Variants in GCSAML observed in about 807,000 individuals in gnomAD.
GCSAML encodes germinal center-associated signaling and motility-like protein.
In GCSAML, 9 loss-of-function variants were observed where a neutral mutation model predicts 13.0. The ratio of observed to expected loss-of-function variants is 0.69; its 90% CI spans 0.42 to 1.21. GCSAML has a LOEUF of 1.21. Ranked by LOEUF, GCSAML falls within the 50% of genes most tolerant of loss-of-function variation. GCSAML has a pLI of 0.00. For synonymous variants in GCSAML, 37 were observed against 52.9 expected (o/e 0.70, Z 1.31); for missense variants, 143 against 153.4 (o/e 0.93, Z 0.36).
chr1:247,513,059 C>G (rs538899687), intron 1 of GCSAML, among the ~76,000 whole-genome samples: 4 of 152,184 alleles, frequency 2.6e-5, no homozygotes, highest in Non-Finnish European at 4.4e-5. Context: ...ATCCATTGCT[C>G]TCTTTGGAGC....
chr1:247,521,552 G>A (rs770649984), intron 1 of GCSAML, among the ~76,000 whole-genome samples: 10 of 152,182 alleles, frequency 6.6e-5, no homozygotes, highest in African/African-American at 1.9e-4. Context: ...ACTGGTTTTC[G>A]TATTTTTTTG....
At chr1:247,558,923 T>C (rs1289458980) in intron 2 of GCSAML, among the ~76,000 whole-genome samples, 1 of 152,240 alleles carries the variant, frequency 6.6e-6, no homozygotes, top group Non-Finnish European at 1.5e-5. Flanking sequence ...GTGTGGTCTG[T>C]GTTATTTCTG....
chr1:247,552,261 A>G (rs186324166), intron 1 of GCSAML, among the ~76,000 whole-genome samples: 3 of 152,342 alleles, frequency 2.0e-5, no homozygotes, highest in Admixed American at 2.0e-4. Context: ...ATCAGGAACA[A>G]CCAAAATGAA....
intron 1 of GCSAML, among the ~76,000 whole-genome samples, chr1:247,551,022 G>T (rs1667760590): frequency 6.6e-6 from 1 of 152,122 alleles, no homozygotes; most frequent in African/African-American, 2.4e-5. Flanking sequence ...AACTTGTCAA[G>T]GTTGCCTTTG....
At chr1:247,541,675 T>C (rs1667416249) in intron 2 of GCSAML, among the ~76,000 whole-genome samples, 1 of 152,134 alleles carries the variant, frequency 6.6e-6, no homozygotes, top group African/African-American at 2.4e-5. Context: ...TAATAGGGAT[T>C]TCTATTTTTA....
intron 2 of GCSAML, among the ~76,000 whole-genome samples, chr1:247,535,219 GC>G (rs1181260426): frequency 2.0e-5 from 3 of 152,112 alleles, no homozygotes; most frequent in African/African-American, 7.2e-5. Flanking sequence ...GGAAGCTGAG[GC>G]TAGAGGATGG....
At chr1:247,521,805 G>C (rs983657189) in intron 1 of GCSAML, among the ~76,000 whole-genome samples, 1 of 152,140 alleles carries the variant, frequency 6.6e-6, no homozygotes, top group Non-Finnish European at 1.5e-5. Flanking sequence ...CCACCACCCC[G>C]TCTGGGAAGT....
At chr1:247,551,926 G>A (rs991339226) in intron 1 of GCSAML, among the ~76,000 whole-genome samples, 1 of 152,154 alleles carries the variant, frequency 6.6e-6, no homozygotes, top group African/African-American at 2.4e-5. Context: ...ATGAGTATGG[G>A]GCAGAACACT....
chr1:247,549,335 T>G (rs1403271094), intron 1 of GCSAML, 115 bp downstream of exon 1: 2 of 854,532 alleles, frequency 2.3e-6, no homozygotes, highest in Admixed American at 2.3e-5. Flanking sequence ...AGGTTAAGCC[T>G]GAAGACAGCA....
At chr1:247,538,866 T>C (rs955594056) in intron 2 of GCSAML, 7 of 397,630 alleles carry the variant, frequency 1.8e-5, no homozygotes, top group Admixed American at 5.7e-5. Flanking sequence ...ACCTGCCTAA[T>C]ACAGATGGCT....
At chr1:247,531,808 C>G (rs538753683) in intron 2 of GCSAML, 1 of 1,614,180 alleles carries the variant, frequency 6.2e-7, no homozygotes, top group African/African-American at 1.3e-5. Flanking sequence ...TGCCTTTCTC[C>G]GCCCTTCTGC....
At chr1:247,561,687 G>A (rs955189138) in intron 2 of GCSAML, among the ~76,000 whole-genome samples, 5 of 151,786 alleles carry the variant, frequency 3.3e-5, no homozygotes, top group African/African-American at 1.2e-4. Context: ...TTATTTTTCT[G>A]CTTCTAAAAT....
At chr1:247,546,578 G>C (rs1004335042), upstream of GCSAML, among the ~76,000 whole-genome samples, 14 of 151,994 alleles carry the variant, frequency 9.2e-5, no homozygotes, top group African/African-American at 2.9e-4. Flanking sequence ...AGCCAGGATG[G>C]TCTCAATTTC....
At chr1:247,564,541 A>G (rs957063091) in intron 3 of GCSAML, among the ~76,000 whole-genome samples, 2 of 152,184 alleles carry the variant, frequency 1.3e-5, no homozygotes, top group South Asian at 4.1e-4. Context: ...CCCTAACTTT[A>G]TTGAGGTATA....
chr1:247,551,513 A>G (rs987403760), intron 1 of GCSAML, among the ~76,000 whole-genome samples: 5 of 152,218 alleles, frequency 3.3e-5, no homozygotes, highest in Non-Finnish European at 5.9e-5. Flanking sequence ...TATTTTAGGA[A>G]GAAATGTCTA....
At chr1:247,562,915 C>T (rs1447014937) in intron 2 of GCSAML, among the ~76,000 whole-genome samples, 4 of 151,960 alleles carry the variant, frequency 2.6e-5, no homozygotes, top group Non-Finnish European at 5.9e-5. Context: ...TCTCTGCTCG[C>T]TGCAACCTCT....
chr1:247,564,737 T>C (rs1007025128), intron 3 of GCSAML, among the ~76,000 whole-genome samples: 3 of 152,176 alleles, frequency 2.0e-5, no homozygotes, highest in African/African-American at 7.2e-5. Flanking sequence ...AAATGAAGAA[T>C]ACTACGTTGC....
intron 1 of GCSAML, 69 bp from the exon 2 acceptor site, chr1:247,556,338 T>TA: frequency 9.0e-7 from 1 of 1,111,714 alleles, no homozygotes; most frequent in Non-Finnish European, 1.4e-6. Flanking sequence ...TCTAGAAAGT[T>TA]AGAGAAGAAG....
chr1:247,520,670 A>C (rs1330465914), intron 1 of GCSAML, among the ~76,000 whole-genome samples: 7 of 152,284 alleles, frequency 4.6e-5, no homozygotes, highest in Admixed American at 3.9e-4. Context: ...TTTTTTTTAC[A>C]GCCTCAAACT....
Sources: allele counts gnomAD v4.1 joint callset (sites outside exome capture counted in the v4.1 genomes callset), GRCh38; gene constraint gnomAD v4.1.1; transcripts MANE v1.5; gene names NCBI Gene and HGNC (gene_info 2026-07-23, HGNC 2026-07-21).